Variants in ABCB11 observed in about 807,000 individuals in gnomAD.
ABCB11 encodes ATP binding cassette subfamily B member 11, also known as bile salt export pump.
In ABCB11, 95 loss-of-function variants were observed where a neutral mutation model predicts 148.0. The observed-to-expected ratio is 0.64, with a 90% CI of 0.54 to 0.76. The LOEUF is 0.76. ABCB11 is among the 30% of genes least tolerant of loss of function. The pLI, the probability that ABCB11 is intolerant of heterozygous loss-of-function variation, is 0.00. For synonymous variants in ABCB11, 591 were observed against 555.4 expected, an observed-to-expected ratio of 1.06 and a Z score of -0.90; for missense variants, 1,523 against 1,617.8, an observed-to-expected ratio of 0.94 and a Z score of 1.01.
chr2:168,919,603 A>AT (rs760801074), downstream of ABCB11, among the ~76,000 whole-genome samples: 258 of 149,856 alleles, frequency 1.7e-3, no homozygotes, highest in Non-Finnish European at 2.8e-3. Context: ...ATATCTTCCT[A>AT]TTTTTTTTAT....
intron 13 of ABCB11, 80 bp from the exon 14 acceptor site, chr2:168,972,130 A>G: frequency 7.5e-7 from 1 of 1,330,070 alleles, no homozygotes; most frequent in Non-Finnish European, 1.1e-6. Flanking sequence ...TACTTGACCA[A>G]TGGGCAGAAA....
rs375912506 is a variant in ABCB11, at chr2:168,920,896, T to A, written c.*2726A>T. On this transcript the variant is annotated 3_prime_UTR_variant, in exon 28 of 28. Coordinates refer to ENST00000650372, the MANE Select transcript of ABCB11 (RefSeq NM_003742.4). ...TTCAAGCCCTCTTTAGACAATCTTT[T>A]CCCTGTCATCAATAACTTTCAAGTA... 2.0e-5 allele frequency among the ~76,000 whole-genome samples: 3 copies of A among 152,334 alleles called. No homozygotes were observed. The highest frequency in any genetic ancestry group is 7.2e-5 in the African/African-American group (3 of 41,582).
intron 7 of ABCB11, 45 bp downstream of exon 7, chr2:168,995,304 T>G: frequency 6.4e-7 from 1 of 1,562,150 alleles, no homozygotes; most frequent in Non-Finnish European, 8.6e-7. Flanking sequence ...AGGGTTTTAT[T>G]ATCCAAAAAT....
intron 21 of ABCB11, among the ~76,000 whole-genome samples, chr2:168,943,849 T>G (rs1282933306): frequency 6.6e-6 from 1 of 152,040 alleles, no homozygotes; most frequent in East Asian, 1.9e-4. Context: ...GTACTTAAAA[T>G]TTTTTTCCTT....
intron 24 of ABCB11, among the ~76,000 whole-genome samples, chr2:168,932,045 T>C (rs927901730): frequency 6.6e-5 from 10 of 152,160 alleles, no homozygotes; most frequent in African/African-American, 2.4e-4. Context: ...CTGGGGTAGA[T>C]GTGTAGAATG....
In ABCB11 at chr2:168,921,523, T is replaced by C. The variant is rs1435943871; in HGVS notation, c.*2099A>G. Reference sequence around the variant, plus strand: ...TCACTTTTATTGATTCCTGTTTTTATTTAAATAGATGGAAATATGTTCTCT... The same window carrying C: ...TCACTTTTATTGATTCCTGTTTTTACTTAAATAGATGGAAATATGTTCTCT... On this transcript the variant is annotated 3_prime_UTR_variant, in exon 28 of 28. Transcript: ENST00000650372. Among the ~76,000 whole-genome samples the C allele has an allele frequency of 6.6e-6, 1 of 152,182 alleles. No homozygotes were observed. The highest frequency in any genetic ancestry group is 1.5e-5 in the Non-Finnish European group (1 of 68,008).
intron 21 of ABCB11, among the ~76,000 whole-genome samples, chr2:168,941,340 C>A (rs1287291581): frequency 6.6e-6 from 1 of 151,876 alleles, no homozygotes; most frequent in Non-Finnish European, 1.5e-5. Context: ...ATTTGTGATT[C>A]ATGGGAGGAG....
chr2:169,001,279 G>T (rs532365235), intron 5 of ABCB11, among the ~76,000 whole-genome samples: 2 of 152,086 alleles, frequency 1.3e-5, no homozygotes, highest in South Asian at 2.1e-4. Context: ...TTGTTACTAC[G>T]CACTCCCTTC....
intron 5 of ABCB11, among the ~76,000 whole-genome samples, chr2:169,012,394 A>G (rs552111414): frequency 3.9e-5 from 6 of 152,148 alleles, no homozygotes; most frequent in African/African-American, 1.4e-4. Flanking sequence ...TATCACAAAG[A>G]AAACAGTAGC....
chr2:168,984,525 G>T (rs80266585), intron 10 of ABCB11, among the ~76,000 whole-genome samples: 3,426 of 152,178 alleles, frequency 0.023, 127 homozygotes, highest in African/African-American at 0.077. Flanking sequence ...CACCTGTTCA[G>T]TTAAGGCTGT....
Position 168,932,415 on chromosome 2 carries a change from G to T in ABCB11, c.3175C>A (p.Pro1059Thr), listed in dbSNP as rs1559180619. The T allele has an allele frequency of 6.3e-7, 1 of 1,584,496 alleles. No homozygotes were observed. The change falls in exon 24 of 28, where the codon CCC becomes ACC. Residue 1059 changes from proline (P) to threonine (T), a missense_variant. Physicochemically the swap from Pro to Thr is conservative, Grantham distance 38. Coordinates refer to ENST00000650372, the MANE Select transcript of ABCB11 (RefSeq NM_003742.4). Reference protein sequence around the residue: ...ARFFQLLDRQPPISVYNTAGE... With the variant: ...ARFFQLLDRQTPISVYNTAGE... ...GCAGTATTGTATACACTGATTGGGG[G>T]TTGTCGGTCCAGCAGTTGAAAAAAG...
chr2:168,936,818 A>AT (rs1454490456), intron 21 of ABCB11, among the ~76,000 whole-genome samples: 1 of 152,184 alleles, frequency 6.6e-6, no homozygotes, highest in African/African-American at 2.4e-5. Context: ...TTTGCTAAGC[A>AT]TAATGTTTTC....
downstream of ABCB11, among the ~76,000 whole-genome samples, chr2:168,916,295 T>C (rs1019357493): frequency 2.0e-5 from 3 of 152,238 alleles, no homozygotes; most frequent in Non-Finnish European, 4.4e-5. Context: ...CTCACATTTA[T>C]TTTGTATTTG....
rs773010836 is a variant in ABCB11, at chr2:168,923,575, A to G, written c.*47T>C. ...GGGATTGTTTTTTTCTTTAAAAACAACCCCTGTAACTGGTGCGTCATGTGT... is the reference window on the plus strand; with the variant it reads ...GGGATTGTTTTTTTCTTTAAAAACAGCCCCTGTAACTGGTGCGTCATGTGT... On this transcript the variant is annotated 3_prime_UTR_variant, in exon 28 of 28. Coordinates refer to ENST00000650372, the MANE Select transcript of ABCB11 (RefSeq NM_003742.4). 4 of 1,576,360 alleles carry G rather than the reference A, an allele frequency of 2.5e-6. No homozygotes were observed. The highest frequency in any genetic ancestry group is 1.7e-5 in the Admixed American group (1 of 59,466).
chr2:169,023,158 A>G (rs1695583274), intron 1 of ABCB11, among the ~76,000 whole-genome samples: 1 of 152,210 alleles, frequency 6.6e-6, no homozygotes, highest in Non-Finnish European at 1.5e-5. Context: ...ATTTGGAAAT[A>G]TCTAGCAAGG....
At chr2:168,916,550 T>G (rs1690944942), downstream of ABCB11, among the ~76,000 whole-genome samples, 1 of 152,228 alleles carries the variant, frequency 6.6e-6, no homozygotes. Flanking sequence ...ATGATAATCA[T>G]GTGCATTGCT....
At chr2:168,972,080 T>G (rs1421344596) in intron 13 of ABCB11, 30 bp from the exon 14 acceptor site, 1 of 1,597,114 alleles carries the variant, frequency 6.3e-7, no homozygotes, top group Non-Finnish European at 8.6e-7. Context: ...CATCACAACT[T>G]TTGGAATCTT....
At chr2:169,023,951 G>A (rs1041262965) in intron 1 of ABCB11, among the ~76,000 whole-genome samples, 2 of 152,076 alleles carry the variant, frequency 1.3e-5, no homozygotes, top group African/African-American at 2.4e-5. Flanking sequence ...TGTTCATTAA[G>A]TTTTTCTCTT....
chr2:168,959,683 T>C (rs529350517), intron 18 of ABCB11, among the ~76,000 whole-genome samples: 1 of 151,600 alleles, frequency 6.6e-6, no homozygotes, highest in Admixed American at 6.6e-5. Flanking sequence ...CCAAGTGAAG[T>C]GCAAACCTTA....
Sources: allele counts gnomAD v4.1 joint callset (sites outside exome capture counted in the v4.1 genomes callset), GRCh38; gene constraint gnomAD v4.1.1; transcripts MANE v1.5; gene names NCBI Gene and HGNC (gene_info 2026-07-23, HGNC 2026-07-21).